The following RAB6A variants were observed in gnomAD, a reference collection of about 807,000 sequenced individuals.
The protein encoded by RAB6A is RAB6A, member RAS oncogene family.
A neutral mutation model predicts 32.3 loss-of-function variants in RAB6A; 8 were observed. The observed-to-expected ratio is 0.25, with a 90% CI of 0.15 to 0.45. RAB6A has a LOEUF of 0.45. Among genes scored for constraint, RAB6A ranks in the 20% least tolerant of loss-of-function variants. RAB6A has a pLI of 1.00. For synonymous variants in RAB6A, 73 were observed against 82.1 expected (o/e 0.89, Z 0.60); for missense variants, 104 against 249.4 (o/e 0.42, Z 3.93).
chr11:73,686,418 G>T (rs1299528966), intron 6 of RAB6A, among the ~76,000 whole-genome samples: 2 of 152,080 alleles, frequency 1.3e-5, no homozygotes, highest in African/African-American at 4.8e-5. Context: ...GCTGGGTGTG[G>T]TGGCAGGCAC....
At chr11:73,721,985 CT>C (rs2134953825) in intron 2 of RAB6A, among the ~76,000 whole-genome samples, 2 of 152,060 alleles carry the variant, frequency 1.3e-5, no homozygotes, top group East Asian at 3.9e-4. Context: ...AGGATTTCCC[CT>C]CTCTTTGCTC....
At chr11:73,684,645 G>T (rs1009287995) in intron 6 of RAB6A, among the ~76,000 whole-genome samples, 1 of 152,150 alleles carries the variant, frequency 6.6e-6, no homozygotes, top group Non-Finnish European at 1.5e-5. Context: ...CCTGTATGCA[G>T]TTTTGGCCTC....
intron 6 of RAB6A, among the ~76,000 whole-genome samples, chr11:73,680,337 G>T (rs1426219013): frequency 6.6e-6 from 1 of 152,118 alleles, no homozygotes; most frequent in African/African-American, 2.4e-5. Flanking sequence ...AAACTGTATA[G>T]TAGCATTCCT....
At position 73,761,033 on chromosome 11, in the gene RAB6A, C is replaced by T. The variant is rs1030492856; in HGVS notation, c.-398G>A. 3.0e-5 allele frequency: 5 copies of T among 169,264 alleles called. No homozygotes were observed. In the East Asian group the frequency reaches 5.0e-4, roughly 17 times the overall value. 10.5% of individuals were successfully genotyped at this position (169,264 alleles called of 1,614,324 possible). On this transcript the variant is annotated 5_prime_UTR_variant, in exon 1 of 8. Coordinates refer to ENST00000336083, the MANE Select transcript of RAB6A (RefSeq NM_198896.2). ...GGACCTCTCACGCGCAGCGCCTGAG[C>T]TTCCACAGCTGCCGCCGCCGCCGCA...
chr11:73,741,241 A>G (rs1218732703), intron 1 of RAB6A, among the ~76,000 whole-genome samples: 1 of 149,858 alleles, frequency 6.7e-6, no homozygotes, highest in East Asian at 2.0e-4. Flanking sequence ...GGTTCACGCC[A>G]TTCTCCTGCC....
chr11:73,678,681 GTTGTT>G (rs1359333142), intron 7 of RAB6A, among the ~76,000 whole-genome samples: 54 of 151,118 alleles, frequency 3.6e-4, no homozygotes, highest in African/African-American at 1.3e-3. Flanking sequence ...TGTTGTTGTT[GTTGTT>G]TTGTTTTTGA....
chr11:73,714,209 A>AAAAAAAATAT (rs35864471), intron 5 of RAB6A, among the ~76,000 whole-genome samples: 1 of 57,578 alleles, frequency 1.7e-5, no homozygotes, highest in Non-Finnish European at 3.4e-5. Flanking sequence ...AAAAAAAAAA[A>AAAAAAAATAT]ATATATATAT....
intron 5 of RAB6A, among the ~76,000 whole-genome samples, chr11:73,714,357 A>G (rs926937982): frequency 6.6e-6 from 1 of 151,794 alleles, no homozygotes; most frequent in Admixed American, 6.6e-5. Flanking sequence ...CAGATATACA[A>G]TTTTTCTATT....
At chr11:73,684,519 T>C (rs1373578158) in intron 6 of RAB6A, among the ~76,000 whole-genome samples, 3 of 152,208 alleles carry the variant, frequency 2.0e-5, no homozygotes, top group Admixed American at 6.5e-5. Flanking sequence ...GAGTACAGTA[T>C]AGTATAAACA....
intron 5 of RAB6A, among the ~76,000 whole-genome samples, chr11:73,710,501 G>T (rs1945939247): frequency 6.6e-6 from 1 of 151,358 alleles, no homozygotes; most frequent in African/African-American, 2.4e-5. Context: ...ACTTTGGGAG[G>T]CCAAGGCGGG....
intron 3 of RAB6A, among the ~76,000 whole-genome samples, chr11:73,720,029 A>G (rs1370319826): frequency 6.6e-6 from 1 of 151,972 alleles, no homozygotes; most frequent in Non-Finnish European, 1.5e-5. Context: ...TTTTGGGTGC[A>G]GGTCTCAAAG....
At chr11:73,747,436 A>ACCCCCC (rs35103580) in intron 1 of RAB6A, among the ~76,000 whole-genome samples, 10 of 140,310 alleles carry the variant, frequency 7.1e-5, no homozygotes, top group African/African-American at 1.1e-4. Flanking sequence ...TGTGATCGGA[A>ACCCCCC]CCCCCCCCCG....
At chr11:73,760,445 G>C (rs1590903550) in intron 1 of RAB6A, 121 bp downstream of exon 1, 1 of 1,316,336 alleles carries the variant, frequency 7.6e-7, no homozygotes, top group East Asian at 2.6e-5. Flanking sequence ...GGGAAGGGCT[G>C]CGGTGGCAAC....
intron 7 of RAB6A, among the ~76,000 whole-genome samples, chr11:73,679,338 A>G (rs1178085302): frequency 1.3e-5 from 2 of 152,230 alleles, no homozygotes; most frequent in East Asian, 1.9e-4. Context: ...TTGATATTCC[A>G]TGAGGAAAAA....
At chr11:73,726,306 G>C (rs1331152502) in intron 2 of RAB6A, among the ~76,000 whole-genome samples, 2 of 147,644 alleles carry the variant, frequency 1.4e-5, no homozygotes, top group Non-Finnish European at 3.0e-5. Context: ...AAAAAGCCCA[G>C]GCACAGTGGC....
intron 1 of RAB6A, among the ~76,000 whole-genome samples, chr11:73,748,528 A>G (rs1946626871): frequency 6.6e-6 from 1 of 152,194 alleles, no homozygotes; most frequent in Admixed American, 6.6e-5. Flanking sequence ...ATAAATAGAC[A>G]CATAAAATAA....
intron 2 of RAB6A, among the ~76,000 whole-genome samples, chr11:73,726,082 T>G (rs2134963591): frequency 6.7e-6 from 1 of 150,188 alleles, no homozygotes; most frequent in South Asian, 2.1e-4. Flanking sequence ...GTCAGGAGTT[T>G]GAGACCAGCC....
intron 1 of RAB6A, among the ~76,000 whole-genome samples, chr11:73,754,103 A>G (rs1398386513): frequency 6.6e-6 from 1 of 152,220 alleles, no homozygotes; most frequent in Non-Finnish European, 1.5e-5. Context: ...GGGCATAAAG[A>G]CATGTTGAGT....
intron 1 of RAB6A, among the ~76,000 whole-genome samples, chr11:73,741,289 A>G (rs2134994304): frequency 6.6e-6 from 1 of 152,056 alleles, no homozygotes; most frequent in South Asian, 2.1e-4. Flanking sequence ...GGTGCATGCC[A>G]CCACGCCTGG....
Sources: allele counts gnomAD v4.1 joint callset (sites outside exome capture counted in the v4.1 genomes callset), GRCh38; gene constraint gnomAD v4.1.1; transcripts MANE v1.5; gene names NCBI Gene and HGNC (gene_info 2026-07-23, HGNC 2026-07-21).